The following DIP2B variants were observed in gnomAD, a reference collection of about 807,000 sequenced individuals.
The protein encoded by DIP2B is DIP2 acetate--CoA ligase B (putative).
Under a neutral mutation model 198.0 loss-of-function variants are expected in DIP2B, and 76 were observed. The ratio of observed to expected loss-of-function variants is 0.38; its 90% confidence interval spans 0.32 to 0.46. The LOEUF (loss-of-function observed/expected upper bound fraction) is 0.46, where lower values mean the gene tolerates loss of function less well. Ranked by LOEUF, DIP2B falls within the 20% of genes least tolerant of loss-of-function variation. The pLI is 0.99. For missense variants in DIP2B, 1,559 were observed against 1,978.4 expected (o/e 0.79, Z 4.02); for synonymous variants, 701 against 739.1 (o/e 0.95, Z 0.84).
At chr12:50,728,932 A>G (rs929685133) in intron 30 of DIP2B, among the ~76,000 whole-genome samples, 2 of 152,130 alleles carry the variant, frequency 1.3e-5, no homozygotes, top group Non-Finnish European at 2.9e-5. Context: ...CTGCTCCACC[A>G]TGTAATCCTT....
intron 20 of DIP2B, among the ~76,000 whole-genome samples, chr12:50,705,421 A>G (rs941963643): frequency 1.3e-5 from 2 of 152,216 alleles, no homozygotes; most frequent in Non-Finnish European, 2.9e-5. Flanking sequence ...TTGATGTCCA[A>G]AATGGAGCTC....
intron 1 of DIP2B, among the ~76,000 whole-genome samples, chr12:50,542,340 T>TA (rs1286975587): frequency 6.6e-6 from 1 of 152,182 alleles, no homozygotes; most frequent in African/African-American, 2.4e-5. Context: ...TTGGAATTTA[T>TA]AAATGTATTC....
In DIP2B at chr12:50,683,943, C is replaced by G. The variant is rs530701653; in HGVS notation, c.1317+695C>G. ...CCTAGGCAACATAGGGAGACCCCATCTCTATAAATAGTAAAAAAAACTAGC... is the reference window on the plus strand; with the variant it reads ...CCTAGGCAACATAGGGAGACCCCATGTCTATAAATAGTAAAAAAAACTAGC... On this transcript the variant is annotated intron_variant, in intron 10 of 37. Coordinates refer to ENST00000301180, the MANE Select transcript of DIP2B (RefSeq NM_173602.3). Among the ~76,000 whole-genome samples, 45 of 152,152 alleles carry G rather than the reference C, an allele frequency of 3.0e-4. No homozygotes were observed. In the South Asian group the frequency reaches 9.3e-3, roughly 32 times the overall value.
chr12:50,505,000 A>AGGGCGGCGGCGGCGGCGGCGGCGG lies in DIP2B; in HGVS notation c.-141_-140insGGGCGGCGGCGGCGGCGGCGGCGG. 1 of 544,578 alleles carries AGGGCGGCGGCGGCGGCGGCGGCGG rather than the reference A, an allele frequency of 1.8e-6. No individual in the cohort carries two copies. The highest frequency in any genetic ancestry group is 3.2e-6 in the Non-Finnish European group (1 of 314,360). 33.7% of individuals were successfully genotyped at this position (544,578 alleles called of 1,614,324 possible). On this transcript the variant is annotated 5_prime_UTR_variant, in exon 1 of 38. It removes an upstream start codon present in the reference 5' UTR. Coordinates refer to ENST00000301180, the MANE Select transcript of DIP2B (RefSeq NM_173602.3). The stretch of plus-strand genomic sequence containing the variant: ...CGTCGCGCTCACGTGACCTTTGCTC[A>AGGGCGGCGGCGGCGGCGGCGGCGG]TGGCGGCGGCGGCGGCGGCGGCGGT...
rs538634370 is a variant in DIP2B, at chr12:50,719,754, T to G, written c.3042+719T>G. 1.4e-3 allele frequency among the ~76,000 whole-genome samples: 212 copies of G among 151,268 alleles called. 1 individual carries two copies. Among genetic ancestry groups the G allele is most frequent in the Non-Finnish European group, 2.6e-3 (179 of 67,850 alleles). On this transcript the variant is annotated intron_variant, in intron 25 of 37. Transcript: ENST00000301180. Reference sequence around the variant, plus strand: ...TACTCGGGAGGCCGAGGCAGGAGAATCGCTTGAATCCGGGAGGCGGAGGTT... The same window carrying G: ...TACTCGGGAGGCCGAGGCAGGAGAAGCGCTTGAATCCGGGAGGCGGAGGTT...
intron 1 of DIP2B, among the ~76,000 whole-genome samples, chr12:50,513,099 G>A (rs544970802): frequency 3.5e-4 from 54 of 152,186 alleles, no homozygotes; most frequent in Non-Finnish European, 6.5e-4. Context: ...TATGGCGTGC[G>A]GTGAGCACTC....
chr12:50,694,236 C>T (rs543956592), intron 14 of DIP2B, among the ~76,000 whole-genome samples: 2 of 152,282 alleles, frequency 1.3e-5, no homozygotes, highest in Admixed American at 1.3e-4. Flanking sequence ...TGACTCAGGC[C>T]TGTAATCCCA....
At chr12:50,507,775 A>G (rs1281048555) in intron 1 of DIP2B, among the ~76,000 whole-genome samples, 1 of 152,112 alleles carries the variant, frequency 6.6e-6, no homozygotes, top group African/African-American at 2.4e-5. Context: ...ACCTCAAATG[A>G]TCCACCAACC....
At chr12:50,526,390 C>G (rs939506717) in intron 1 of DIP2B, among the ~76,000 whole-genome samples, 1 of 152,154 alleles carries the variant, frequency 6.6e-6, no homozygotes, top group African/African-American at 2.4e-5. Flanking sequence ...TTACACTTGA[C>G]TTTTACAGTT....
intron 1 of DIP2B, among the ~76,000 whole-genome samples, chr12:50,574,570 CTATT>C (rs1015564477): frequency 6.6e-6 from 1 of 152,118 alleles, no homozygotes; most frequent in African/African-American, 2.4e-5. Flanking sequence ...CATGAACAGA[CTATT>C]TATCCCAAAT....
chr12:50,674,713 C>A, intron 6 of DIP2B, 84 bp downstream of exon 6: 2 of 1,527,044 alleles, frequency 1.3e-6, no homozygotes, highest in Non-Finnish European at 1.8e-6. Flanking sequence ...CCTAACTAGC[C>A]CAGCAGCTGC....
intron 28 of DIP2B, among the ~76,000 whole-genome samples, chr12:50,726,580 T>A (rs1159107694): frequency 6.6e-6 from 1 of 151,864 alleles, no homozygotes; most frequent in Non-Finnish European, 1.5e-5. Context: ...CGAACCCCAG[T>A]CCTCAAGTGG....
At chr12:50,525,513 CTTTT>C (rs747688876) in intron 1 of DIP2B, among the ~76,000 whole-genome samples, 2 of 139,352 alleles carry the variant, frequency 1.4e-5, no homozygotes, top group Non-Finnish European at 3.1e-5. Context: ...TCTAGGTCCC[CTTTT>C]TTTTTTTTTT....
intron 1 of DIP2B, among the ~76,000 whole-genome samples, chr12:50,562,801 A>G (rs1412251018): frequency 6.6e-6 from 1 of 152,132 alleles, no homozygotes; most frequent in Non-Finnish European, 1.5e-5. Flanking sequence ...AATACAGTAC[A>G]TATGACTTTG....
intron 2 of DIP2B, among the ~76,000 whole-genome samples, chr12:50,638,804 G>C (rs1031851099): frequency 6.6e-6 from 1 of 151,954 alleles, no homozygotes; most frequent in Non-Finnish European, 1.5e-5. Context: ...TTTTTGATGA[G>C]GCCTGAGGTA....
intron 1 of DIP2B, among the ~76,000 whole-genome samples, chr12:50,559,850 G>C (rs879293513): frequency 2.2e-4 from 33 of 152,280 alleles, no homozygotes; most frequent in Admixed American, 1.5e-3. Context: ...CTTTGCCCTT[G>C]TAGAGGGGTG....
chr12:50,523,026 T>C (rs1417688567), intron 1 of DIP2B, among the ~76,000 whole-genome samples: 1 of 152,134 alleles, frequency 6.6e-6, no homozygotes, highest in African/African-American at 2.4e-5. Context: ...TATACAATAC[T>C]TAAATATTGT....
intron 23 of DIP2B, 46 bp downstream of exon 23, chr12:50,714,642 A>G (rs1939680577): frequency 2.5e-6 from 4 of 1,600,612 alleles, no homozygotes; most frequent in Non-Finnish European, 3.4e-6. Context: ...TCCAACTTCA[A>G]GAAGCTGGGT....
intron 21 of DIP2B, among the ~76,000 whole-genome samples, chr12:50,707,845 A>C (rs1242780579): frequency 6.6e-6 from 1 of 152,002 alleles, no homozygotes; most frequent in Non-Finnish European, 1.5e-5. Context: ...TCTCAGGTCC[A>C]CTGGGATCTG....
Sources: gnomAD v4.1 joint callset for allele counts (sites outside exome capture counted in the v4.1 genomes callset) on GRCh38, gnomAD v4.1.1 for gene constraint, MANE v1.5 for transcripts, NCBI Gene and HGNC (gene_info 2026-07-23, HGNC 2026-07-21) for gene names.